ZFHX4: variants seen among roughly 807,000 people sequenced by gnomAD.
ZFHX4 encodes zinc finger homeobox 4.
A neutral mutation model predicts 267.6 loss-of-function variants in ZFHX4; 56 were observed. The observed-to-expected ratio is 0.21, with a 90% CI of 0.17 to 0.26. ZFHX4 has a LOEUF of 0.26. ZFHX4 is among the 10% of genes least tolerant of loss of function. The probability of loss-of-function intolerance (pLI) is 1.00; values close to 1 mark genes in which losing one functional copy is unlikely to be tolerated. For synonymous variants in ZFHX4, 1,778 were observed against 1,665.6 expected, an observed-to-expected ratio of 1.07 and a Z score of -1.64; for missense variants, 4,332 against 4,420.0, an observed-to-expected ratio of 0.98 and a Z score of 0.56.
At chr8:76,720,136 A>G (rs1372504195) in intron 3 of ZFHX4, among the ~76,000 whole-genome samples, 1 of 152,124 alleles carries the variant, frequency 6.6e-6, no homozygotes, top group Admixed American at 6.5e-5. Flanking sequence ...TCCCAAGAAG[A>G]AATCCTGTAC....
At chr8:76,732,273 A>C (rs1809040997) in intron 3 of ZFHX4, among the ~76,000 whole-genome samples, 1 of 152,152 alleles carries the variant, frequency 6.6e-6, no homozygotes, top group Non-Finnish European at 1.5e-5. Context: ...TATGTCATTA[A>C]TATTAGCAGG....
intron 4 of ZFHX4, among the ~76,000 whole-genome samples, chr8:76,819,142 GT>G (rs11361228): frequency 0.52 from 66,322 of 127,624 alleles, 16,697 homozygotes; most frequent in East Asian, 0.61. Context: ...GCTCATAAAG[GT>G]TTTTTTTTTT....
intron 4 of ZFHX4, among the ~76,000 whole-genome samples, chr8:76,821,846 G>A (rs1010439280): frequency 2.6e-5 from 4 of 152,134 alleles, no homozygotes; most frequent in African/African-American, 9.7e-5. Context: ...GCTTTGGTAT[G>A]CCTTTTGTAG....
chr8:76,773,799 T>C (rs1810332587), intron 3 of ZFHX4, among the ~76,000 whole-genome samples: 1 of 152,190 alleles, frequency 6.6e-6, no homozygotes, highest in Non-Finnish European at 1.5e-5. Context: ...TCTTTTACTG[T>C]GGATTAGAAA....
At chr8:76,848,117 G>C (rs965826693) in intron 6 of ZFHX4, among the ~76,000 whole-genome samples, 3 of 152,142 alleles carry the variant, frequency 2.0e-5, no homozygotes, top group Admixed American at 6.5e-5. Context: ...GCCATGCTAT[G>C]ATGAGATTGG....
chr8:76,791,847 C>A (rs532560661), intron 4 of ZFHX4, among the ~76,000 whole-genome samples: 1 of 152,182 alleles, frequency 6.6e-6, no homozygotes, highest in African/African-American at 2.4e-5. Context: ...ATTAAAGTTG[C>A]ACATTATATT....
intron 4 of ZFHX4, among the ~76,000 whole-genome samples, chr8:76,798,973 ATG>A (rs1426397910): frequency 6.6e-6 from 1 of 152,222 alleles, no homozygotes; most frequent in African/African-American, 2.4e-5. Context: ...TCAAAAGGAC[ATG>A]TAAAGAGGAG....
At position 76,852,456 on chromosome 8, in the gene ZFHX4, C is replaced by A; in HGVS notation, c.5535C>A (p.Asp1845Glu). Reference protein sequence around the residue: ...KQEQSNIVSADCQIMKDVPSY... With the variant: ...KQEQSNIVSAECQIMKDVPSY... ...AGCAAAGTAACATAGTGAGTGCAGA[C>A]TGCCAAATCATGAAGGATGTGCCAT... Residue 1845 changes from aspartate to glutamate, a missense_variant, in exon 10 of 11, where the codon GAC becomes GAA. By Grantham distance (45) the Asp-to-Glu change is conservative. Transcript: ENST00000651372. The A allele has an allele frequency of 6.4e-7, 1 of 1,570,076 alleles. No homozygotes were observed.
At chr8:76,820,241 A>G (rs747161147) in intron 4 of ZFHX4, among the ~76,000 whole-genome samples, 53 of 152,214 alleles carry the variant, frequency 3.5e-4, no homozygotes, top group Non-Finnish European at 5.1e-4. Context: ...CAATATCGTC[A>G]TCCTTCCAAA....
intron 4 of ZFHX4, among the ~76,000 whole-genome samples, chr8:76,804,748 A>AC: frequency 8.4e-4 from 2 of 2,372 alleles, no homozygotes; most frequent in South Asian, 0.071. Context: ...TATTTATTTA[A>AC]CCATCCACTG....
chr8:76,861,827 A>C (rs2131977050), intron 10 of ZFHX4, among the ~76,000 whole-genome samples: 1 of 152,044 alleles, frequency 6.6e-6, no homozygotes, highest in East Asian at 1.9e-4. Context: ...ACCAATATTA[A>C]CAAGATGGCT....
intron 10 of ZFHX4, 44 bp from the exon 11 acceptor site, chr8:76,863,050 G>T: frequency 6.8e-7 from 1 of 1,463,798 alleles, no homozygotes; most frequent in Non-Finnish European, 9.0e-7. Flanking sequence ...TTCCGATGTT[G>T]GTCTGTACAT....
intron 4 of ZFHX4, among the ~76,000 whole-genome samples, chr8:76,800,774 CTTTAAGTT>C (rs1811099586): frequency 6.6e-6 from 1 of 152,122 alleles, no homozygotes; most frequent in Admixed American, 6.6e-5. Context: ...ATGCAAAACA[CTTTAAGTT>C]TTTATTAGCA....
intron 1 of ZFHX4, among the ~76,000 whole-genome samples, chr8:76,697,863 G>C (rs996128716): frequency 1.3e-5 from 2 of 151,960 alleles, no homozygotes; most frequent in African/African-American, 4.8e-5. Flanking sequence ...ACTTTGCATA[G>C]ATGAGCCAAA....
At chr8:76,813,211 T>C (rs1811421872) in intron 4 of ZFHX4, among the ~76,000 whole-genome samples, 1 of 152,290 alleles carries the variant, frequency 6.6e-6, no homozygotes, top group East Asian at 1.9e-4. Context: ...AGCAAACGAT[T>C]TGAAATAAAC....
intron 4 of ZFHX4, among the ~76,000 whole-genome samples, chr8:76,824,584 A>G (rs1811737230): frequency 6.6e-6 from 1 of 151,986 alleles, no homozygotes; most frequent in South Asian, 2.1e-4. Flanking sequence ...TTTTATTTTC[A>G]TTTTTTGAGA....
chr8:76,863,937 G>A lies in ZFHX4; in HGVS notation c.10223G>A (p.Cys3408Tyr). 1 of 1,602,046 alleles carries A rather than the reference G, an allele frequency of 6.2e-7. No individual in the cohort carries two copies. The highest frequency in any genetic ancestry group is 8.5e-7 in the Non-Finnish European group (1 of 1,173,802). The change falls in exon 11 of 11, where the codon TGC (cysteine) becomes TAC (tyrosine). Residue 3408 changes from cysteine (C) to tyrosine (Y), a missense_variant. Cys to Tyr is a radical substitution (Grantham distance 194). Around this residue, in one of 7 missense-constraint regions of ZFHX4, gnomAD observed 1,648 missense variants for 1,625.0 expected, o/e 1.01. Transcript: ENST00000651372. ...AAGTATGAGTTTATATGCAGAAAGT[G>A]CCAGATGATGTTTACTGATGAAGAC... ...FVKYEFICRK[C>Y]QMMFTDEDAA...
chr8:76,865,120 A>T lies in ZFHX4; in HGVS notation c.*555A>T, dbSNP rs868386547. The T allele has an allele frequency of 6.5e-6, 1 of 152,916 alleles. No homozygotes were observed. Among genetic ancestry groups the T allele is most frequent in the Admixed American group, 6.5e-5 (1 of 15,298 alleles). 9.5% of individuals were successfully genotyped at this position (152,916 alleles called of 1,614,324 possible). ...TGTACAAAGAGACTTTATAACCCTT[A>T]CTGGACAACACACAGATCCTTGAGC... On this transcript the variant is annotated 3_prime_UTR_variant, in exon 11 of 11. Transcript: ENST00000651372.
rs1812917454 is a variant in ZFHX4, at chr8:76,863,188, G to C, written c.9474G>C (p.Leu3158Phe). 1.9e-6 allele frequency: 3 copies of C among 1,560,244 alleles called. No homozygotes were observed. The highest frequency in any genetic ancestry group is 2.6e-6 in the Non-Finnish European group (3 of 1,151,770). Residue 3158 changes from leucine to phenylalanine, a missense_variant, in exon 11 of 11, where the codon TTG becomes TTC. By Grantham distance (22) the Leu-to-Phe change is conservative (BLOSUM62 0). Coordinates refer to ENST00000651372, the MANE Select transcript of ZFHX4 (RefSeq NM_024721.5). ...TCAGCAGTGCCCCCACCAAACCTTT[G>C]CTGCAGACTCCACCACCTCCACCAC... The part of the protein sequence containing the change: ...LSLSSAPTKP[L>F]LQTPPPPPPP...
Sources: allele counts gnomAD v4.1 joint callset (sites outside exome capture counted in the v4.1 genomes callset), GRCh38; gene constraint gnomAD v4.1.1; regional missense constraint gnomAD v4.1.1; transcripts MANE v1.5; gene names NCBI Gene and HGNC (gene_info 2026-07-23, HGNC 2026-07-21).